The following TIMELESS variants were observed in gnomAD, a reference collection of about 807,000 sequenced individuals.
TIMELESS encodes protein timeless homolog.
In TIMELESS, 124 loss-of-function variants were observed where a neutral mutation model predicts 164.3. The ratio of observed to expected loss-of-function variants is 0.75; its 90% CI spans 0.65 to 0.88. TIMELESS has a LOEUF of 0.88. Among genes scored for constraint, TIMELESS ranks in the 40% least tolerant of loss-of-function variants. TIMELESS has a pLI of 0.00. For missense variants in TIMELESS, 1,422 were observed against 1,491.4 expected (o/e 0.95, Z 0.77); for synonymous variants, 564 against 563.4 (o/e 1.00, Z -0.02).
At chr12:56,424,184 T>C (rs1482945477) in intron 15 of TIMELESS, among the ~76,000 whole-genome samples, 1 of 152,180 alleles carries the variant, frequency 6.6e-6, no homozygotes, top group African/African-American at 2.4e-5. Context: ...TACAGAAATA[T>C]ATCTGATGAG....
intron 1 of TIMELESS, among the ~76,000 whole-genome samples, chr12:56,437,492 C>T (rs573674293): frequency 6.6e-6 from 1 of 151,306 alleles, no homozygotes; most frequent in African/African-American, 2.4e-5. Flanking sequence ...GGTACAATCA[C>T]GGCTCACTGT....
chr12:56,436,958 T>C (rs1882093131), intron 1 of TIMELESS, among the ~76,000 whole-genome samples: 1 of 151,398 alleles, frequency 6.6e-6, no homozygotes, highest in Non-Finnish European at 1.5e-5. Context: ...AGACAGAGTC[T>C]CACGCTCTGT....
At chr12:56,440,274 G>A (rs1868254926) in intron 1 of TIMELESS, among the ~76,000 whole-genome samples, 2 of 151,766 alleles carry the variant, frequency 1.3e-5, no homozygotes, top group Admixed American at 1.3e-4. Context: ...AAGTAGCTGG[G>A]ACTACAGGCA....
At chr12:56,430,734 G>A in intron 9 of TIMELESS, 147 bp downstream of exon 9, 1 of 538,378 alleles carries the variant, frequency 1.9e-6, no homozygotes, top group Non-Finnish European at 3.3e-6. Flanking sequence ...GAACTTCTGG[G>A]CTCAAGCAAT....
intron 1 of TIMELESS, among the ~76,000 whole-genome samples, chr12:56,444,961 G>T (rs774045): frequency 6.6e-6 from 1 of 150,970 alleles, no homozygotes; most frequent in African/African-American, 2.4e-5. Flanking sequence ...TGACAATCTC[G>T]TATGTTAAAC....
Position 56,432,403 on chromosome 12 carries a change from A to T in TIMELESS, c.653T>A (p.Val218Glu). 2 of 1,614,196 alleles carry T rather than the reference A, an allele frequency of 1.2e-6. No homozygotes were observed. Among genetic ancestry groups the T allele is most frequent in the African/African-American group, 2.7e-5 (2 of 75,060 alleles). Residue 218 changes from valine (V) to glutamate (E), a missense_variant, in exon 7 of 29, where the codon GTG (valine) becomes GAG (glutamate). Physicochemically the swap from Val to Glu is moderately radical, Grantham distance 121. Transcript: ENST00000553532. ...SSAEEQWSLH[V>E]LEIVSLMFRD... ...AAACATAAGGGAGACAATCTCTAGCACATGTAGGCTCCATTGCTCCTCAGC... is the reference window on the plus strand; with the variant it reads ...AAACATAAGGGAGACAATCTCTAGCTCATGTAGGCTCCATTGCTCCTCAGC...
intron 13 of TIMELESS, among the ~76,000 whole-genome samples, chr12:56,427,433 T>C (rs1349226951): frequency 3.9e-5 from 6 of 152,214 alleles, no homozygotes; most frequent in Non-Finnish European, 8.8e-5. Context: ...TGTCCTAGGC[T>C]TTTCACTGAT....
At position 56,420,810 on chromosome 12, in the gene TIMELESS, C is replaced by T. The variant is rs754438242; in HGVS notation, c.3109+3G>A. On this transcript the variant is annotated splice_donor_region_variant and intron_variant, in intron 25 of 28. Transcript: ENST00000553532. ...CTCCTAAAAGTGTCACCTGTCCACTCACCATCCTCTTCCCGATCATCAGCT... is the reference window on the plus strand; with the variant it reads ...CTCCTAAAAGTGTCACCTGTCCACTTACCATCCTCTTCCCGATCATCAGCT... 1 of 1,614,170 alleles carries T rather than the reference C, an allele frequency of 6.2e-7. No individual in the cohort carries two copies. Among genetic ancestry groups the T allele is most frequent in the East Asian group, 2.2e-5 (1 of 44,884 alleles).
chr12:56,425,196 G>A (rs1044142098), intron 13 of TIMELESS, 44 bp from the exon 14 acceptor site: 8 of 1,538,110 alleles, frequency 5.2e-6, no homozygotes, highest in African/African-American at 1.6e-5. Context: ...GAGCTAAAGA[G>A]GGCTTTCCCC....
In TIMELESS at chr12:56,421,011, T is replaced by C. The variant is rs780312387; in HGVS notation, c.2992A>G (p.Ser998Gly). 3 of 1,614,238 alleles carry C rather than the reference T, an allele frequency of 1.9e-6. No homozygotes were observed. The highest frequency in any genetic ancestry group is 1.7e-6 in the Non-Finnish European group (2 of 1,180,046). ...GGSEAEQVQG[S>G]LVLSNENLGQ... is the part of the protein sequence containing the mutation. ...AGGTTTTCATTTGAAAGGACTAAGCTACCCTGGACTTGTTCTGCTTCTGAG... is the reference window on the plus strand; with the variant it reads ...AGGTTTTCATTTGAAAGGACTAAGCCACCCTGGACTTGTTCTGCTTCTGAG... The change falls in exon 24 of 29, where the codon AGC becomes GGC. Residue 998 changes from serine (S) to glycine (G), a missense_variant. Ser to Gly is a moderately conservative substitution (Grantham distance 56, BLOSUM62 0). Coordinates refer to ENST00000553532, the MANE Select transcript of TIMELESS (RefSeq NM_003920.5).
rs1881642860 is a variant in TIMELESS at position 56,425,274 on chromosome 12, A to G, written c.1579-122T>C. On this transcript the variant is annotated intron_variant, in intron 13 of 28. Transcript: ENST00000553532. The stretch of plus-strand genomic sequence containing the variant: ...ACAGAGTGCCCATTATCTGCTATCC[A>G]TCGGTAATAGAAAGCAATAGTGAAC... 4.1e-6 allele frequency: 5 copies of G among 1,212,706 alleles called. No individual in the cohort carries two copies. The South Asian group carries it at 4.8e-5, about 12-fold the overall frequency. 75.1% of individuals were successfully genotyped at this position (1,212,706 alleles called of 1,614,324 possible). A position where few individuals can be genotyped will look rare whatever the true frequency, so the allele number is the denominator to read the frequency against.
In TIMELESS at chr12:56,423,367, G is replaced by C; in HGVS notation, c.2199C>G (p.Ala733=). 1 of 1,614,130 alleles carries C rather than the reference G, an allele frequency of 6.2e-7. No homozygotes were observed. Among genetic ancestry groups the C allele is most frequent in the South Asian group, 1.1e-5 (1 of 91,074 alleles). The change falls in exon 18 of 29, where the codon GCC becomes GCG. Residue 733 remains alanine, a synonymous_variant. Transcript: ENST00000553532. ...HCIVKMLHRL[A]HDLKMEALLF... is the part of the protein sequence containing the mutation. Reference sequence around the variant, plus strand: ...GTAGGGCTTCCATTTTGAGGTCATGGGCCAGCCGGTGCAGCATCTTCACAA... The same window carrying C: ...GTAGGGCTTCCATTTTGAGGTCATGCGCCAGCCGGTGCAGCATCTTCACAA...
intron 1 of TIMELESS, among the ~76,000 whole-genome samples, chr12:56,439,108 G>GGGA (rs1357631277): frequency 7.2e-6 from 1 of 138,530 alleles, no homozygotes; most frequent in Non-Finnish European, 1.5e-5. Flanking sequence ...GGAGGTAGCA[G>GGGA]TGAGCCCAAA....
chr12:56,432,635 G>A (rs1881928502), intron 6 of TIMELESS, 111 bp from the exon 7 acceptor site: 2 of 1,453,626 alleles, frequency 1.4e-6, no homozygotes. Flanking sequence ...ACTTGTCAGA[G>A]GACAGAATAG....
At position 56,423,697 on chromosome 12, in the gene TIMELESS, G is replaced by A. The variant is rs1053322283; in HGVS notation, c.1977C>T (p.Gly659=). The change falls in exon 17 of 29, where the codon GGC becomes GGT. Residue 659 remains glycine (G), a synonymous_variant. Transcript: ENST00000553532. The stretch of plus-strand genomic sequence containing the variant: ...CTTCCTCTGCCCCACGTTCCTCTGG[G>A]CCCTGCTGCCCTATAGACAGAGGGA... ...ILSAPLPRQQ[G]PEERGAEEEE... 6.2e-7 allele frequency: 1 copy of A among 1,613,930 alleles called. No individual in the cohort carries two copies. Among genetic ancestry groups the A allele is most frequent in the Non-Finnish European group, 8.5e-7 (1 of 1,179,920 alleles).
chr12:56,435,684 G>A (rs1882046431), intron 1 of TIMELESS, among the ~76,000 whole-genome samples: 1 of 152,208 alleles, frequency 6.6e-6, no homozygotes, highest in Non-Finnish European at 1.5e-5. Flanking sequence ...CGTTGGCCGG[G>A]CACGGTGGCT....
At position 56,423,704 on chromosome 12, in the gene TIMELESS, T is replaced by G; in HGVS notation, c.1970A>C (p.Gln657Pro). Residue 657 changes from glutamine (Q) to proline (P), a missense_variant, in exon 17 of 29, where the codon CAG becomes CCG. Transcript: ENST00000553532. ...KQILSAPLPR[Q>P]QGPEERGAEE... Reference sequence around the variant, plus strand: ...TGCCCCACGTTCCTCTGGGCCCTGCTGCCCTATAGACAGAGGGAGGATTAC... The same window carrying G: ...TGCCCCACGTTCCTCTGGGCCCTGCGGCCCTATAGACAGAGGGAGGATTAC... 1 of 1,614,104 alleles carries G rather than the reference T, an allele frequency of 6.2e-7. No individual in the cohort carries two copies. The highest frequency in any genetic ancestry group is 2.2e-5 in the East Asian group (1 of 44,888).
At chr12:56,433,470 G>C (rs1452896345) in intron 4 of TIMELESS, 27 bp from the exon 5 acceptor site, 1 of 1,614,130 alleles carries the variant, frequency 6.2e-7, no homozygotes, top group South Asian at 1.1e-5. Flanking sequence ...CTGATCTTAA[G>C]TAGCAGTCAT....
chr12:56,430,092 C>T lies in TIMELESS; in HGVS notation c.1086+13G>A, dbSNP rs1422578486. 2.5e-6 allele frequency: 4 copies of T among 1,600,134 alleles called. No individual in the cohort carries two copies. The highest frequency in any genetic ancestry group is 3.4e-6 in the Non-Finnish European group (4 of 1,173,638). Reference sequence around the variant, plus strand: ...CATTCCTGATTATCTCCATATCCTTCACAGGTTCTCACCTTTACTGATCCC... The same window carrying T: ...CATTCCTGATTATCTCCATATCCTTTACAGGTTCTCACCTTTACTGATCCC... On this transcript the variant is annotated intron_variant, in intron 10 of 28. Transcript: ENST00000553532.
Sources: allele counts gnomAD v4.1 joint callset (sites outside exome capture counted in the v4.1 genomes callset), GRCh38; gene constraint gnomAD v4.1.1; transcripts MANE v1.5; gene names NCBI Gene and HGNC (gene_info 2026-07-23, HGNC 2026-07-21).